The following IMMP2L variants were observed in gnomAD, a reference collection of about 807,000 sequenced individuals.
IMMP2L encodes mitochondrial inner membrane protease subunit 2.
A neutral mutation model predicts 19.3 loss-of-function variants in IMMP2L; 18 were observed. The ratio of observed to expected loss-of-function variants is 0.93; its 90% CI spans 0.64 to 1.38. The LOEUF is 1.38. Ranked by LOEUF, IMMP2L falls within the 40% of genes most tolerant of loss-of-function variation. The probability of loss-of-function intolerance (pLI) is 0.00; values close to 1 mark genes in which losing one functional copy is unlikely to be tolerated. For synonymous variants in IMMP2L, 76 were observed against 73.0 expected (o/e 1.04, Z -0.21); for missense variants, 233 against 218.2 (o/e 1.07, Z -0.43).
At chr7:111,502,105 A>T (rs1844337254) in intron 2 of IMMP2L, among the ~76,000 whole-genome samples, 1 of 152,174 alleles carries the variant, frequency 6.6e-6, no homozygotes, top group African/African-American at 2.4e-5. Flanking sequence ...CATAGGCTCA[A>T]AATAAAGGGA....
intron 4 of IMMP2L, among the ~76,000 whole-genome samples, chr7:110,947,229 A>G (rs1465413764): frequency 6.6e-6 from 1 of 152,170 alleles, no homozygotes; most frequent in Non-Finnish European, 1.5e-5. Context: ...ATTTTCGTAC[A>G]TCGCTGGGGA....
At chr7:111,501,167 G>A (rs1385019210) in intron 2 of IMMP2L, among the ~76,000 whole-genome samples, 2 of 152,180 alleles carry the variant, frequency 1.3e-5, no homozygotes, top group East Asian at 1.9e-4. Flanking sequence ...CGAGAACTAC[G>A]TGAAGAATGC....
chr7:111,112,939 T>C (rs933700873), intron 3 of IMMP2L, among the ~76,000 whole-genome samples: 3 of 152,194 alleles, frequency 2.0e-5, no homozygotes, highest in African/African-American at 7.2e-5. Flanking sequence ...GCTAATTTTA[T>C]TTCCTTTCTT....
chr7:110,729,643 C>T (rs558581846), intron 5 of IMMP2L, among the ~76,000 whole-genome samples: 2 of 152,334 alleles, frequency 1.3e-5, no homozygotes, highest in Middle Eastern at 3.4e-3. Context: ...GTCATAGGGA[C>T]TTCACTAAAG....
chr7:111,351,338 G>A (rs929487555), intron 3 of IMMP2L, among the ~76,000 whole-genome samples: 30 of 152,148 alleles, frequency 2.0e-4, no homozygotes, highest in Admixed American at 1.2e-3. Context: ...TTACAGACGC[G>A]TGCCACCACG....
chr7:110,866,080 C>T lies in IMMP2L; in HGVS notation c.408+20513G>A, dbSNP rs1215914386. ...TGACCTTTGAGTAATAATTTAAAGA[C>T]ATGATTGACATTTTTTTTCCCATAG... On this transcript the variant is annotated intron_variant, in intron 5 of 5. Transcript: ENST00000405709. Among the ~76,000 whole-genome samples the T allele has an allele frequency of 3.9e-5, 6 of 152,076 alleles. No homozygotes were observed. In the South Asian group the frequency reaches 1.0e-3, roughly 26 times the overall value.
chr7:111,322,452 G>C (rs560050593), intron 3 of IMMP2L, among the ~76,000 whole-genome samples: 2 of 151,792 alleles, frequency 1.3e-5, no homozygotes, highest in South Asian at 4.2e-4. Context: ...GTCACTTTCT[G>C]CTCCAAATCA....
intron 3 of IMMP2L, among the ~76,000 whole-genome samples, chr7:111,464,975 G>A (rs1198330264): frequency 3.9e-5 from 6 of 151,998 alleles, no homozygotes; most frequent in Non-Finnish European, 5.9e-5. Context: ...TGTATTTTTA[G>A]TAGAGACAAG....
intron 1 of IMMP2L, among the ~76,000 whole-genome samples, chr7:111,533,342 C>T (rs1411952156): frequency 6.6e-6 from 1 of 152,122 alleles, no homozygotes; most frequent in Non-Finnish European, 1.5e-5. Flanking sequence ...TTTAAGATAC[C>T]TGTGAAATTT....
chr7:111,488,091 G>A (rs1341911165), intron 2 of IMMP2L, among the ~76,000 whole-genome samples: 4 of 152,182 alleles, frequency 2.6e-5, no homozygotes, highest in Non-Finnish European at 5.9e-5. Context: ...CAGGGGTACA[G>A]ACAAAGCCAA....
At chr7:111,290,505 A>T (rs7456523) in intron 3 of IMMP2L, among the ~76,000 whole-genome samples, 83,440 of 145,520 alleles carry the variant, frequency 0.57, 23,575 homozygotes, top group African/African-American at 0.71. Flanking sequence ...ACTTCTTTTT[A>T]AAAAAAAAAA....
chr7:110,936,339 A>C (rs1468327268), intron 4 of IMMP2L, among the ~76,000 whole-genome samples: 1 of 152,210 alleles, frequency 6.6e-6, no homozygotes, highest in East Asian at 1.9e-4. Flanking sequence ...CAAGAAATGT[A>C]AACAAATTAA....
rs1381675837 is a variant in IMMP2L, at chr7:111,305,279, C to T, written c.239+181959G>A. 2.0e-5 allele frequency among the ~76,000 whole-genome samples: 3 copies of T among 152,096 alleles called. No individual in the cohort carries two copies. The East Asian group carries it at 5.8e-4, about 29-fold the overall frequency. On this transcript the variant is annotated intron_variant, in intron 3 of 5. Transcript: ENST00000405709. ...CCCAGAATAGCAGTAGTGTGAAGCT[C>T]AGTGGGATCAGCTGGCTTCAGGGCT...
intron 4 of IMMP2L, among the ~76,000 whole-genome samples, chr7:110,904,109 T>C (rs1308530667): frequency 6.6e-6 from 1 of 152,188 alleles, no homozygotes; most frequent in Non-Finnish European, 1.5e-5. Flanking sequence ...AGGAGTTCCT[T>C]ACATATTTTA....
intron 3 of IMMP2L, among the ~76,000 whole-genome samples, chr7:111,261,770 A>G (rs2129809535): frequency 6.6e-6 from 1 of 152,282 alleles, no homozygotes; most frequent in Non-Finnish European, 1.5e-5. Flanking sequence ...AAATTCAGAA[A>G]CAAAATGCAT....
At chr7:110,730,569 C>T (rs527803487) in intron 5 of IMMP2L, among the ~76,000 whole-genome samples, 2 of 150,894 alleles carry the variant, frequency 1.3e-5, no homozygotes, top group South Asian at 2.1e-4. Flanking sequence ...CGCTCTGTTG[C>T]CCAGGCTGGA....
intron 4 of IMMP2L, chr7:110,963,179 C>T: frequency 1.0e-6 from 1 of 993,820 alleles, no homozygotes; most frequent in South Asian, 1.9e-5. Context: ...ACCTTAACAT[C>T]ATAATCTTAA....
intron 4 of IMMP2L, among the ~76,000 whole-genome samples, chr7:110,927,531 G>A (rs1029778120): frequency 9.9e-5 from 15 of 152,124 alleles, no homozygotes; most frequent in Non-Finnish European, 2.1e-4. Flanking sequence ...GAGCAGTAGA[G>A]AGATATGACT....
chr7:111,518,045 T>G (rs1846019582), intron 2 of IMMP2L, among the ~76,000 whole-genome samples: 2 of 152,168 alleles, frequency 1.3e-5, no homozygotes, highest in Non-Finnish European at 2.9e-5. Context: ...AACTTTATTT[T>G]TTATTTATGG....
Sources: allele counts gnomAD v4.1 joint callset (sites outside exome capture counted in the v4.1 genomes callset), GRCh38; gene constraint gnomAD v4.1.1; transcripts MANE v1.5; gene names NCBI Gene and HGNC (gene_info 2026-07-23, HGNC 2026-07-21).